The following CRYZL1 variants were observed in gnomAD, a reference collection of about 807,000 sequenced individuals.
CRYZL1 encodes the protein ferry endosomal RAB5 effector complex subunit 4.
Under a neutral mutation model 50.6 loss-of-function variants are expected in CRYZL1, and 34 were observed. That is an observed-to-expected ratio of 0.67 (90% CI 0.51 to 0.89). CRYZL1 has a LOEUF of 0.89. Ranked by LOEUF, CRYZL1 falls within the 40% of genes least tolerant of loss-of-function variation. CRYZL1 has a pLI of 0.00. For missense variants in CRYZL1, 354 were observed against 402.3 expected, an observed-to-expected ratio of 0.88 and a Z score of 1.03; for synonymous variants, 125 against 134.3, an observed-to-expected ratio of 0.93 and a Z score of 0.48.
intron 2 of CRYZL1, among the ~76,000 whole-genome samples, chr21:33,628,116 G>T (rs1431035022): frequency 1.3e-5 from 2 of 152,042 alleles, no homozygotes; most frequent in African/African-American, 4.8e-5. Flanking sequence ...GAATACATTG[G>T]GTTACTTTCA....
chr21:33,637,788 T>TATACAC (rs1491462371), intron 1 of CRYZL1, among the ~76,000 whole-genome samples: 52 of 117,218 alleles, frequency 4.4e-4, no homozygotes, highest in African/African-American at 1.5e-3. Flanking sequence ...TATATATATA[T>TATACAC]ACACACACAC....
At position 33,589,798 on chromosome 21, in the gene CRYZL1, A is replaced by G. The variant is rs1260858194; in HGVS notation, c.*24T>C. 1.5e-5 allele frequency: 21 copies of G among 1,414,190 alleles called. No homozygotes were observed. The highest frequency in any genetic ancestry group is 2.8e-5 in the African/African-American group (2 of 70,806). The allele number at this position is 1,414,190 out of a possible 1,614,324, so 87.6% of individuals were successfully genotyped here. On this transcript the variant is annotated 3_prime_UTR_variant, in exon 13 of 13. Transcript: ENST00000381554. ...TCAAATACTGGAATATGTTCATCCGACTGAGGTCTGAGAAAGAAGAAAATT... is the reference window on the plus strand; with the variant it reads ...TCAAATACTGGAATATGTTCATCCGGCTGAGGTCTGAGAAAGAAGAAAATT...
At chr21:33,604,770 C>T (rs2086794056) in intron 6 of CRYZL1, among the ~76,000 whole-genome samples, 2 of 152,098 alleles carry the variant, frequency 1.3e-5, no homozygotes, top group South Asian at 4.1e-4. Context: ...GTGTTGTCTC[C>T]AATTTTTGTC....
chr21:33,603,352 C>T, intron 7 of CRYZL1, 52 bp downstream of exon 7: 1 of 1,589,092 alleles, frequency 6.3e-7, no homozygotes, highest in African/African-American at 1.3e-5. Context: ...TGCTAAATTT[C>T]CTAAGTTTAC....
intron 10 of CRYZL1, 63 bp downstream of exon 10, chr21:33,597,217 A>T (rs762258664): frequency 9.5e-5 from 145 of 1,520,544 alleles, no homozygotes; most frequent in Non-Finnish European, 9.4e-5. Flanking sequence ...TAACTTAGGC[A>T]TTATTGTTTG....
At chr21:33,639,857 C>A in intron 1 of CRYZL1, 1 of 170,850 alleles carries the variant, frequency 5.9e-6, no homozygotes. Context: ...CAGGGTCTCA[C>A]TCTGTTGCCC....
At chr21:33,604,128 G>A (rs2086785557) in intron 6 of CRYZL1, among the ~76,000 whole-genome samples, 1 of 152,068 alleles carries the variant, frequency 6.6e-6, no homozygotes. Flanking sequence ...AGCACTTTGG[G>A]AGGCCGAGGC....
At chr21:33,593,611 A>T (rs1052657779) in intron 11 of CRYZL1, among the ~76,000 whole-genome samples, 1 of 152,182 alleles carries the variant, frequency 6.6e-6, no homozygotes, top group African/African-American at 2.4e-5. Flanking sequence ...TTGCCTTCTC[A>T]TCGGGAGAGG....
intron 8 of CRYZL1, among the ~76,000 whole-genome samples, chr21:33,601,181 C>T (rs2086752698): frequency 6.6e-6 from 1 of 151,908 alleles, no homozygotes; most frequent in African/African-American, 2.4e-5. Flanking sequence ...AAGTGATCCA[C>T]CCGCCTCGGC....
Sources: allele counts gnomAD v4.1 joint callset (sites outside exome capture counted in the v4.1 genomes callset), GRCh38; gene constraint gnomAD v4.1.1; transcripts MANE v1.5; gene names NCBI Gene and HGNC (gene_info 2026-07-23, HGNC 2026-07-21).